ARHGEF7: variants seen among roughly 807,000 people sequenced by gnomAD.
ARHGEF7 encodes the protein Rho guanine nucleotide exchange factor 7.
Under a neutral mutation model 109.8 loss-of-function variants are expected in ARHGEF7, and 33 were observed. The observed-to-expected ratio is 0.30, with a 90% CI of 0.23 to 0.40. ARHGEF7 has a LOEUF of 0.40. ARHGEF7 is among the 10% of genes least tolerant of loss of function. The probability of loss-of-function intolerance (pLI) is 1.00; values close to 1 mark genes in which losing one functional copy is unlikely to be tolerated. For missense variants in ARHGEF7, 938 were observed against 1,098.5 expected (o/e 0.85, Z 2.07); for synonymous variants, 458 against 424.6 (o/e 1.08, Z -0.97).
chr13:111,303,296 T>C lies in ARHGEF7; in HGVS notation c.*183T>C. ...AGACGATCAAACCATGACTGATGAA[T>C]CCAGACAGGAGGGATTGACTCTGAG... On this transcript the variant is annotated 3_prime_UTR_variant, in exon 22 of 22. Transcript: ENST00000646102. 1.9e-6 allele frequency: 1 copy of C among 528,854 alleles called. No homozygotes were observed. The highest frequency in any genetic ancestry group is 1.9e-5 in the African/African-American group (1 of 52,824). 32.8% of individuals were successfully genotyped at this position (528,854 alleles called of 1,614,324 possible). A position where few individuals can be genotyped will look rare whatever the true frequency, so the allele number is the denominator to read the frequency against.
chr13:111,153,645 T>A (rs1566638931), intron 1 of ARHGEF7: 12 of 1,209,886 alleles, frequency 9.9e-6, no homozygotes, highest in Non-Finnish European at 1.1e-5. Context: ...TCTGAGGACG[T>A]CACTTCCGGC....
At chr13:111,244,341 G>A (rs1375260290) in intron 8 of ARHGEF7, 47 bp downstream of exon 8, 2 of 1,076,766 alleles carry the variant, frequency 1.9e-6, no homozygotes, top group Non-Finnish European at 2.8e-6. Context: ...GGTATAATTG[G>A]TATTTAAAGG....
At chr13:111,194,288 T>G (rs949922551) in intron 2 of ARHGEF7, among the ~76,000 whole-genome samples, 1 of 152,164 alleles carries the variant, frequency 6.6e-6, no homozygotes, top group Non-Finnish European at 1.5e-5. Context: ...AGGTTCTGCT[T>G]TTTAAGGTTT....
At chr13:111,141,113 A>G (rs2075324719) in intron 1 of ARHGEF7, among the ~76,000 whole-genome samples, 1 of 152,176 alleles carries the variant, frequency 6.6e-6, no homozygotes, top group Non-Finnish European at 1.5e-5. Flanking sequence ...CTACATTAGT[A>G]TGATGCACCT....
At chr13:111,286,732 G>T (rs2093035847) in intron 17 of ARHGEF7, among the ~76,000 whole-genome samples, 1 of 152,180 alleles carries the variant, frequency 6.6e-6, no homozygotes, top group Non-Finnish European at 1.5e-5. Context: ...TCAGCTCTGG[G>T]TTCCTATGTG....
chr13:111,221,574 CAT>C (rs2084365494), intron 5 of ARHGEF7, among the ~76,000 whole-genome samples: 1 of 95,838 alleles, frequency 1.0e-5, no homozygotes, highest in Non-Finnish European at 2.1e-5. Context: ...TATATAGATA[CAT>C]ATCTATATAT....
At chr13:111,290,343 A>T (rs758927548) in intron 18 of ARHGEF7, among the ~76,000 whole-genome samples, 1 of 152,246 alleles carries the variant, frequency 6.6e-6, no homozygotes, top group African/African-American at 2.4e-5. Flanking sequence ...ATAAAAAATA[A>T]TTATACTTAT....
intron 2 of ARHGEF7, among the ~76,000 whole-genome samples, chr13:111,158,229 C>CT (rs1283835151): frequency 6.6e-6 from 1 of 152,100 alleles, no homozygotes; most frequent in East Asian, 1.9e-4. Context: ...ATTAATGAGG[C>CT]TTTTTTGCTT....
intron 1 of ARHGEF7, chr13:111,153,616 C>T (rs1433095791): frequency 1.4e-5 from 17 of 1,172,538 alleles, no homozygotes; most frequent in Non-Finnish European, 1.7e-5. Context: ...ACGTCCCGCG[C>T]GGGCCGGCGG....
At chr13:111,294,299 A>G in intron 19 of ARHGEF7, 1 of 985,450 alleles carries the variant, frequency 1.0e-6, no homozygotes, top group Non-Finnish European at 1.2e-6. Flanking sequence ...GAGACTACTC[A>G]TTAGCGCACT....
intron 8 of ARHGEF7, among the ~76,000 whole-genome samples, chr13:111,249,259 C>T (rs550185473): frequency 3.6e-4 from 55 of 152,166 alleles, no homozygotes; most frequent in Admixed American, 1.4e-3. Flanking sequence ...GTGCCCTGCC[C>T]GTTCTTTTTT....
At chr13:111,268,247 T>A (rs1482349087) in intron 9 of ARHGEF7, among the ~76,000 whole-genome samples, 1 of 152,074 alleles carries the variant, frequency 6.6e-6, no homozygotes, top group Non-Finnish European at 1.5e-5. Flanking sequence ...CATTAGTGAG[T>A]GTTAAGAATT....
intron 2 of ARHGEF7, among the ~76,000 whole-genome samples, chr13:111,200,068 C>T (rs1314428688): frequency 6.6e-6 from 1 of 152,224 alleles, no homozygotes; most frequent in East Asian, 1.9e-4. Flanking sequence ...CTCGGTGACT[C>T]CTCCTCCTCT....
At chr13:111,163,072 G>A (rs1018829599) in intron 2 of ARHGEF7, among the ~76,000 whole-genome samples, 4 of 152,178 alleles carry the variant, frequency 2.6e-5, no homozygotes, top group African/African-American at 4.8e-5. Flanking sequence ...GATACCAAGC[G>A]TGAAACGGTT....
intron 19 of ARHGEF7, chr13:111,293,460 C>G: frequency 1.0e-6 from 1 of 984,926 alleles, no homozygotes; most frequent in Non-Finnish European, 1.2e-6. Context: ...AAAAACTCAC[C>G]CGTTTTCCTG....
intron 1 of ARHGEF7, among the ~76,000 whole-genome samples, chr13:111,152,753 T>C (rs146621118): frequency 2.1e-3 from 318 of 152,372 alleles, no homozygotes; most frequent in Non-Finnish European, 3.6e-3. Context: ...ACATGTAATT[T>C]GGAACATAAG....
chr13:111,243,940 C>T lies in ARHGEF7; in HGVS notation c.828C>T (p.Tyr276=), dbSNP rs1337888603. 1 of 1,613,270 alleles carries T rather than the reference C, an allele frequency of 6.2e-7. No individual in the cohort carries two copies. Among genetic ancestry groups the T allele is most frequent in the Non-Finnish European group, 8.5e-7 (1 of 1,179,398 alleles). The change falls in exon 7 of 22, where the codon TAC becomes TAT. Residue 276 remains tyrosine (Y), a synonymous_variant. Transcript: ENST00000646102. ...AACTTCAGACTGTGCTTTCAACGTA[C>T]CTACGGCCATTGCAGACCAGTGAGA... ...SKELQTVLST[Y]LRPLQTSEKL...
At chr13:111,212,498 TG>T (rs1238575695) in intron 4 of ARHGEF7, among the ~76,000 whole-genome samples, 2 of 152,218 alleles carry the variant, frequency 1.3e-5, no homozygotes, top group East Asian at 3.8e-4. Context: ...GGCTGCTGAT[TG>T]GTACAGCCTT....
chr13:111,228,153 A>AG lies in ARHGEF7; in HGVS notation c.671-5047dup, dbSNP rs2085479315. Among the ~76,000 whole-genome samples, 1 of 152,270 alleles carries AG rather than the reference A, an allele frequency of 6.6e-6. No individual in the cohort carries two copies. The highest frequency in any genetic ancestry group is 1.9e-4 in the East Asian group (1 of 5,186). Reference sequence around the variant, plus strand: ...TCTCTACTGGCATCCAAAAAAGAGGAGGGGGCGCTTTTATAGAATGAAAGA... The same window carrying AG: ...TCTCTACTGGCATCCAAAAAAGAGGAGGGGGGCGCTTTTATAGAATGAAAGA... On this transcript the variant is annotated intron_variant, in intron 5 of 21. Coordinates refer to ENST00000646102, the MANE Select transcript of ARHGEF7 (RefSeq NM_001354046.2). The surrounding 1 kb of genome is among the most constrained non-coding windows in gnomAD (Gnocchi z 4.6).
Sources: gnomAD v4.1 joint callset for allele counts (sites outside exome capture counted in the v4.1 genomes callset) on GRCh38, gnomAD v4.1.1 for gene constraint, Gnocchi (gnomAD v3.1) non-coding constraint, MANE v1.5 for transcripts, NCBI Gene and HGNC (gene_info 2026-07-23, HGNC 2026-07-21) for gene names.